NKAIN3: variants seen among roughly 807,000 people sequenced by gnomAD.
NKAIN3 encodes sodium/potassium transporting ATPase interacting 3, also known as sodium/potassium-transporting ATPase subunit beta-1-interacting protein 3.
A neutral mutation model predicts 30.2 loss-of-function variants in NKAIN3; 25 were observed. That is an observed-to-expected ratio of 0.83 (90% CI 0.60 to 1.16). NKAIN3 has a LOEUF of 1.16. NKAIN3 is among the 50% of genes most tolerant of loss of function. The pLI, the probability that NKAIN3 is intolerant of heterozygous loss-of-function variation, is 0.00. For missense variants in NKAIN3, 225 were observed against 254.1 expected, an observed-to-expected ratio of 0.89 and a Z score of 0.78; for synonymous variants, 91 against 89.6, an observed-to-expected ratio of 1.02 and a Z score of -0.09.
rs142963839 is a variant in NKAIN3 at position 62,931,468 on chromosome 8, G to A, written c.532+12955G>A. On this transcript the variant is annotated intron_variant, in intron 5 of 6. Coordinates refer to ENST00000623646, the MANE Select transcript of NKAIN3 (RefSeq NM_001304533.3). Reference sequence around the variant, plus strand: ...ATTCTAACCTGTACTTTCTGAAATAGTATTAACACTATATGGGATTAGCTT... The same window carrying A: ...ATTCTAACCTGTACTTTCTGAAATAATATTAACACTATATGGGATTAGCTT... Among the ~76,000 whole-genome samples, 544 of 152,240 alleles carry A rather than the reference G, an allele frequency of 3.6e-3. 2 individuals carry two copies. The highest frequency in any genetic ancestry group is 0.012 in the African/African-American group (507 of 41,548).
chr8:62,656,034 C>A (rs1028139959), intron 3 of NKAIN3, among the ~76,000 whole-genome samples: 1 of 151,972 alleles, frequency 6.6e-6, no homozygotes, highest in African/African-American at 2.4e-5. Flanking sequence ...ATGTCCTTAT[C>A]CCCCACAAAG....
At chr8:62,700,777 T>A (rs1032196269) in intron 3 of NKAIN3, among the ~76,000 whole-genome samples, 1 of 152,250 alleles carries the variant, frequency 6.6e-6, no homozygotes, top group African/African-American at 2.4e-5. Context: ...TAACTGATTC[T>A]TCAACAAACA....
intron 6 of NKAIN3, among the ~76,000 whole-genome samples, chr8:62,961,961 G>A (rs1823582354): frequency 6.6e-6 from 1 of 152,008 alleles, no homozygotes. Flanking sequence ...CAAATACTGG[G>A]GCAAGTTACT....
intron 1 of NKAIN3, among the ~76,000 whole-genome samples, chr8:62,300,545 A>G (rs1466837770): frequency 6.6e-6 from 1 of 152,172 alleles, no homozygotes; most frequent in East Asian, 1.9e-4. Context: ...TAGCAATTAA[A>G]AAGTAAATCA....
intron 1 of NKAIN3, among the ~76,000 whole-genome samples, chr8:62,380,682 A>G (rs1470798630): frequency 1.3e-5 from 2 of 152,350 alleles, no homozygotes; most frequent in East Asian, 1.9e-4. Context: ...TCCCATGTCA[A>G]CCTTCGAGTT....
rs1410274303 is a variant in NKAIN3, at chr8:62,425,356, G to A, written c.55-154183G>A. Among the ~76,000 whole-genome samples, 3 of 151,952 alleles carry A rather than the reference G, an allele frequency of 2.0e-5. No individual in the cohort carries two copies. In the East Asian group the frequency reaches 5.8e-4, roughly 29 times the overall value. ...ATTCAATACTTTCATTGTCTAATAT[G>A]ATAAATGTGAGCCACATGCATTGGA... is the stretch of plus-strand genomic sequence containing the variant. On this transcript the variant is annotated intron_variant, in intron 1 of 6. Transcript: ENST00000623646.
intron 4 of NKAIN3, among the ~76,000 whole-genome samples, chr8:62,890,738 G>A (rs538215303): frequency 6.6e-6 from 1 of 152,324 alleles, no homozygotes; most frequent in East Asian, 1.9e-4. Context: ...ACAGGATTGA[G>A]GTACCCTCTC....
intron 1 of NKAIN3, among the ~76,000 whole-genome samples, chr8:62,550,151 T>G (rs1406738547): frequency 6.6e-6 from 1 of 152,096 alleles, no homozygotes; most frequent in African/African-American, 2.4e-5. Context: ...CATTTCTCTT[T>G]CTCTTTTGCT....
chr8:62,566,373 C>G (rs1380132899), intron 1 of NKAIN3, among the ~76,000 whole-genome samples: 2 of 152,014 alleles, frequency 1.3e-5, no homozygotes, highest in Non-Finnish European at 2.9e-5. Flanking sequence ...AGAGTAAGAA[C>G]TAACTCCTCC....
At chr8:62,812,688 A>G (rs1049318345) in intron 4 of NKAIN3, among the ~76,000 whole-genome samples, 2 of 151,674 alleles carry the variant, frequency 1.3e-5, no homozygotes, top group Non-Finnish European at 1.5e-5. Flanking sequence ...TTCCTTTCCA[A>G]TTGGTATGCT....
At chr8:62,606,294 T>C (rs1179183540) in intron 3 of NKAIN3, among the ~76,000 whole-genome samples, 2 of 152,062 alleles carry the variant, frequency 1.3e-5, no homozygotes, top group Non-Finnish European at 2.9e-5. Context: ...CCTGAAAATA[T>C]CTGTTCAGGC....
intron 1 of NKAIN3, among the ~76,000 whole-genome samples, chr8:62,442,249 G>T (rs1252416705): frequency 6.6e-6 from 1 of 151,768 alleles, no homozygotes; most frequent in Non-Finnish European, 1.5e-5. Flanking sequence ...TTGGTGGAAA[G>T]GAATATATTT....
At chr8:62,668,155 C>T (rs1423067993) in intron 3 of NKAIN3, among the ~76,000 whole-genome samples, 2 of 151,822 alleles carry the variant, frequency 1.3e-5, no homozygotes, top group African/African-American at 4.8e-5. Flanking sequence ...TTCTCTGCCT[C>T]CTTGGTGTAC....
intron 3 of NKAIN3, among the ~76,000 whole-genome samples, chr8:62,615,443 A>AG (rs1250933040): frequency 1.3e-5 from 2 of 152,090 alleles, no homozygotes; most frequent in Non-Finnish European, 2.9e-5. Context: ...GAGTTAGGGG[A>AG]GGGGAGGTGC....
chr8:62,411,931 T>G (rs1804251052), intron 1 of NKAIN3, among the ~76,000 whole-genome samples: 1 of 152,094 alleles, frequency 6.6e-6, no homozygotes. Flanking sequence ...GGAAAAACAT[T>G]CCAGGCTTAT....
chr8:62,956,243 T>C (rs1378178616), intron 6 of NKAIN3, among the ~76,000 whole-genome samples: 1 of 152,196 alleles, frequency 6.6e-6, no homozygotes, highest in Non-Finnish European at 1.5e-5. Context: ...AAAGCCAACC[T>C]TCTGTGCGAA....
intron 1 of NKAIN3, among the ~76,000 whole-genome samples, chr8:62,306,928 G>A (rs1230821797): frequency 6.7e-6 from 1 of 150,144 alleles, no homozygotes; most frequent in African/African-American, 2.5e-5. Context: ...TACTGGTCAT[G>A]ACCTTACAAG....
intron 3 of NKAIN3, among the ~76,000 whole-genome samples, chr8:62,669,939 C>T (rs1281904993): frequency 6.6e-6 from 1 of 152,136 alleles, no homozygotes; most frequent in South Asian, 2.1e-4. Flanking sequence ...CCTTTTCCTC[C>T]CACCAGTTTT....
chr8:62,353,167 A>G (rs1245753287), intron 1 of NKAIN3, among the ~76,000 whole-genome samples: 2 of 152,232 alleles, frequency 1.3e-5, no homozygotes, highest in Non-Finnish European at 2.9e-5. Context: ...AGGGTTAGTC[A>G]TGCAGTGGTA....
Sources: gnomAD v4.1 joint callset for allele counts (sites outside exome capture counted in the v4.1 genomes callset) on GRCh38, gnomAD v4.1.1 for gene constraint, MANE v1.5 for transcripts, NCBI Gene and HGNC (gene_info 2026-07-23, HGNC 2026-07-21) for gene names.